TNNI3K: variants seen among roughly 807,000 people sequenced by gnomAD.
TNNI3K encodes the protein TNNI3 interacting kinase.
TNNI3K carries 140 observed loss-of-function variants against 114.5 expected under a neutral mutation model. The observed-to-expected ratio is 1.22, with a 90% CI of 1.07 to 1.41. The LOEUF (loss-of-function observed/expected upper bound fraction) is 1.41. Ranked by LOEUF, TNNI3K falls within the 40% of genes most tolerant of loss-of-function variation. TNNI3K has a pLI of 0.00. For missense variants in TNNI3K, 1,125 were observed against 1,007.6 expected, an observed-to-expected ratio of 1.12 and a Z score of -1.58; for synonymous variants, 347 against 347.5, an observed-to-expected ratio of 1.00 and a Z score of 0.02.
At chr1:74,463,655 G>A (rs1667544274) in intron 21 of TNNI3K, 105 bp downstream of exon 21, 3 of 1,304,268 alleles carry the variant, frequency 2.3e-6, no homozygotes, top group Non-Finnish European at 3.2e-6. Context: ...AGACTGTCAA[G>A]GCGGGAAGAC....
chr1:74,369,528 T>C lies in TNNI3K; in HGVS notation c.1610T>C (p.Ile537Thr). The C allele has an allele frequency of 6.2e-7, 1 of 1,612,656 alleles. No homozygotes were observed. The highest frequency in any genetic ancestry group is 1.1e-5 in the South Asian group (1 of 91,016). The part of the protein sequence containing the change: ...ACLNDPSQFA[I>T]VTQYISGGSL... ...TTGAATGATCCCAGCCAGTTTGCCA[T>C]TGTCACTCAATACATATCAGGGGGT... Residue 537 changes from isoleucine (I) to threonine (T), a missense_variant, in exon 16 of 25, where the codon ATT becomes ACT. Coordinates refer to ENST00000326637, the MANE Select transcript of TNNI3K (RefSeq NM_015978.3).
chr1:74,259,491 G>A (rs1655537143), intron 4 of TNNI3K, among the ~76,000 whole-genome samples: 1 of 152,106 alleles, frequency 6.6e-6, no homozygotes, highest in African/African-American at 2.4e-5. Flanking sequence ...GTCTACTAAT[G>A]AAAATGCTGG....
intron 5 of TNNI3K, among the ~76,000 whole-genome samples, chr1:74,287,826 C>G (rs1178258700): frequency 1.3e-5 from 2 of 151,926 alleles, no homozygotes. Flanking sequence ...ATTTGCAAAC[C>G]ATACATCTGA....
chr1:74,239,622 A>G (rs1654063701), intron 2 of TNNI3K, among the ~76,000 whole-genome samples: 1 of 152,140 alleles, frequency 6.6e-6, no homozygotes, highest in Non-Finnish European at 1.5e-5. Context: ...TCACTGATGT[A>G]AACAGTTTTT....
At chr1:74,514,165 T>C (rs1348657350) in intron 23 of TNNI3K, among the ~76,000 whole-genome samples, 1 of 152,216 alleles carries the variant, frequency 6.6e-6, no homozygotes, top group African/African-American at 2.4e-5. Flanking sequence ...TTATAGAGCA[T>C]TTAAAGCCAG....
At chr1:74,339,232 G>A (rs957804582) in intron 7 of TNNI3K, among the ~76,000 whole-genome samples, 2 of 152,012 alleles carry the variant, frequency 1.3e-5, no homozygotes, top group African/African-American at 4.8e-5. Flanking sequence ...TCTTTTTGTT[G>A]CACGCAAGTA....
At chr1:74,510,871 T>TTTTA (rs1360800621) in intron 23 of TNNI3K, among the ~76,000 whole-genome samples, 1 of 152,158 alleles carries the variant, frequency 6.6e-6, no homozygotes, top group Non-Finnish European at 1.5e-5. Flanking sequence ...GTATAAAGAG[T>TTTTA]TTTAGCAAAC....
intron 20 of TNNI3K, among the ~76,000 whole-genome samples, chr1:74,463,156 T>A (rs112423981): frequency 1.2e-3 from 180 of 152,346 alleles, no homozygotes; most frequent in African/African-American, 4.1e-3. Flanking sequence ...TACCCTATAC[T>A]TCAGACAAAC....
intron 23 of TNNI3K, among the ~76,000 whole-genome samples, chr1:74,510,431 C>T (rs1670127135): frequency 6.6e-6 from 1 of 152,078 alleles, no homozygotes; most frequent in South Asian, 2.1e-4. Flanking sequence ...TGGCTTGAAC[C>T]CGGGAGGTGG....
At chr1:74,505,672 T>TA (rs965493765) in intron 23 of TNNI3K, among the ~76,000 whole-genome samples, 9 of 152,250 alleles carry the variant, frequency 5.9e-5, no homozygotes, top group South Asian at 2.1e-4. Flanking sequence ...AATTTTCTTG[T>TA]AAAAAAACAC....
chr1:74,487,912 G>C (rs1381124420), intron 21 of TNNI3K, among the ~76,000 whole-genome samples: 2 of 152,134 alleles, frequency 1.3e-5, no homozygotes, highest in African/African-American at 4.8e-5. Context: ...GATAAAGATT[G>C]AGAGGTTAAA....
chr1:74,360,781 C>T lies in TNNI3K; in HGVS notation c.1178-6475C>T, dbSNP rs368517390. Among the ~76,000 whole-genome samples the T allele has an allele frequency of 5.9e-5, 9 of 152,142 alleles. No homozygotes were observed. In the South Asian group the frequency reaches 1.2e-3, roughly 21 times the overall value. On this transcript the variant is annotated intron_variant, in intron 11 of 24. Transcript: ENST00000326637. ...CCCTGACATTCCAGCCTAGCACATA[C>T]ATCCTTTCTTTATATTTTATTTTGT...
intron 5 of TNNI3K, among the ~76,000 whole-genome samples, chr1:74,300,735 C>T (rs1658274385): frequency 6.6e-6 from 1 of 152,200 alleles, no homozygotes; most frequent in South Asian, 2.1e-4. Flanking sequence ...TGAGGCAGTA[C>T]ACTGACTGGT....
intron 23 of TNNI3K, among the ~76,000 whole-genome samples, chr1:74,498,871 T>G (rs1299920029): frequency 1.3e-5 from 2 of 152,210 alleles, no homozygotes; most frequent in Non-Finnish European, 2.9e-5. Flanking sequence ...ATTTTAATAT[T>G]TAAAACTTCT....
intron 5 of TNNI3K, among the ~76,000 whole-genome samples, chr1:74,306,936 A>T (rs1156312809): frequency 6.6e-6 from 1 of 152,172 alleles, no homozygotes; most frequent in Non-Finnish European, 1.5e-5. Context: ...TTATTTGCCT[A>T]GGTCAATTCC....
chr1:74,399,505 C>T (rs1664255617), intron 17 of TNNI3K, among the ~76,000 whole-genome samples: 1 of 152,118 alleles, frequency 6.6e-6, no homozygotes, highest in Non-Finnish European at 1.5e-5. Flanking sequence ...ACAAGCTCCA[C>T]CCATGCTGGG....
chr1:74,306,306 C>T (rs756682294), intron 5 of TNNI3K, among the ~76,000 whole-genome samples: 2 of 152,114 alleles, frequency 1.3e-5, no homozygotes, highest in Non-Finnish European at 1.5e-5. Context: ...GATTCCATGA[C>T]TTTGCTATTG....
chr1:74,301,208 T>A (rs144786136), intron 5 of TNNI3K, among the ~76,000 whole-genome samples: 10 of 152,276 alleles, frequency 6.6e-5, no homozygotes, highest in African/African-American at 2.4e-4. Context: ...GAGATCATCC[T>A]GGCCAACATG....
Position 74,436,055 on chromosome 1 carries a change from CTTT to C in TNNI3K, c.1773-7_1773-5del, listed in dbSNP as rs67642732. On this transcript the variant is annotated intron_variant, in intron 17 of 24. Coordinates refer to ENST00000326637, the MANE Select transcript of TNNI3K (RefSeq NM_015978.3). ...CATAGCAAAGCTTACTCAATGTCTA[CTTT>C]TTTTTTTTTTTTTTTTTACAGTCAC... 56,997 of 1,356,360 alleles carry C rather than the reference CTTT, an allele frequency of 0.042. No individual in the cohort carries two copies. The highest frequency in any genetic ancestry group is 0.067 in the South Asian group (4,620 of 68,510). The allele number at this position is 1,356,360 out of a possible 1,614,324, so 84.0% of individuals were successfully genotyped here.
Sources: allele counts gnomAD v4.1 joint callset (sites outside exome capture counted in the v4.1 genomes callset), GRCh38; gene constraint gnomAD v4.1.1; transcripts MANE v1.5; gene names NCBI Gene and HGNC (gene_info 2026-07-23, HGNC 2026-07-21).